The following CHCHD6 variants were observed in gnomAD, a reference collection of about 807,000 sequenced individuals.
CHCHD6 encodes coiled-coil-helix-coiled-coil-helix domain containing 6.
A neutral mutation model predicts 32.3 loss-of-function variants in CHCHD6; 28 were observed. That is an observed-to-expected ratio of 0.87 (90% CI 0.64 to 1.19). CHCHD6 has a LOEUF of 1.19. Ranked by LOEUF, CHCHD6 falls within the 50% of genes most tolerant of loss-of-function variation. CHCHD6 has a pLI of 0.00. For missense variants in CHCHD6, 333 were observed against 307.0 expected (o/e 1.08, Z -0.63); for synonymous variants, 122 against 117.5 (o/e 1.04, Z -0.25).
intron 4 of CHCHD6, among the ~76,000 whole-genome samples, chr3:126,829,322 A>G (rs72978866): frequency 8.5e-4 from 129 of 152,040 alleles, no homozygotes; most frequent in African/African-American, 2.9e-3. Flanking sequence ...TAGCCTCCCA[A>G]TGTGGCACCA....
Position 126,789,071 on chromosome 3 carries a change from C to T in CHCHD6, c.411+55849C>T, listed in dbSNP as rs1317834736. 6.6e-5 allele frequency among the ~76,000 whole-genome samples: 10 copies of T among 152,178 alleles called. 1 individual carries two copies. Among genetic ancestry groups the T allele is most frequent in the Admixed American group, 3.3e-4 (5 of 15,276 alleles). On this transcript the variant is annotated intron_variant, in intron 4 of 7. Transcript: ENST00000290913. ...GACATCTTTATTTCTGCCTTCATTT[C>T]GTTATGTATCCATTAATCATTCAGG...
chr3:126,920,186 A>C (rs74843716), intron 6 of CHCHD6, among the ~76,000 whole-genome samples: 1 of 144,472 alleles, frequency 6.9e-6, no homozygotes, highest in African/African-American at 2.5e-5. Context: ...AAATGTTTTT[A>C]ATTCTAAAAG....
chr3:126,767,025 C>A, intron 4 of CHCHD6: 1 of 885,300 alleles, frequency 1.1e-6, no homozygotes, highest in South Asian at 1.5e-5. Flanking sequence ...CAGGCAGGAT[C>A]TGCCTCAATG....
intron 5 of CHCHD6, among the ~76,000 whole-genome samples, chr3:126,872,827 C>G (rs538281024): frequency 9.2e-5 from 14 of 152,354 alleles, no homozygotes; most frequent in African/African-American, 3.1e-4. Context: ...GCTGCTCCTT[C>G]CCTGGGCTGT....
At chr3:126,721,945 A>G (rs1935317946) in intron 1 of CHCHD6, among the ~76,000 whole-genome samples, 1 of 152,168 alleles carries the variant, frequency 6.6e-6, no homozygotes, top group African/African-American at 2.4e-5. Flanking sequence ...TTATGGCTGA[A>G]TAATACTCCA....
chr3:126,889,892 G>GA (rs2077732390), intron 5 of CHCHD6, among the ~76,000 whole-genome samples: 1 of 152,214 alleles, frequency 6.6e-6, no homozygotes, highest in Non-Finnish European at 1.5e-5. Context: ...TGTGAGGGTG[G>GA]CCCCTGCTCC....
At chr3:126,890,676 T>C (rs1256416517) in intron 5 of CHCHD6, among the ~76,000 whole-genome samples, 3 of 152,268 alleles carry the variant, frequency 2.0e-5, no homozygotes, top group African/African-American at 2.4e-5. Context: ...GCCACTGTGC[T>C]AGGTGTTCTC....
At chr3:126,711,541 A>T (rs1315445987) in intron 1 of CHCHD6, among the ~76,000 whole-genome samples, 1 of 152,180 alleles carries the variant, frequency 6.6e-6, no homozygotes, top group East Asian at 1.9e-4. Flanking sequence ...TGCAGCATTC[A>T]TCTTAGTTGA....
chr3:126,850,986 C>T (rs1941455041), intron 4 of CHCHD6, among the ~76,000 whole-genome samples: 1 of 152,134 alleles, frequency 6.6e-6, no homozygotes, highest in Non-Finnish European at 1.5e-5. Context: ...TTTTAGATCC[C>T]CTGCAGCTGC....
chr3:126,805,641 G>C (rs1210867109), intron 4 of CHCHD6, among the ~76,000 whole-genome samples: 1 of 152,160 alleles, frequency 6.6e-6, no homozygotes, highest in Non-Finnish European at 1.5e-5. Context: ...GTAATTTATA[G>C]ATTCAATGCC....
At chr3:126,823,992 A>T in intron 4 of CHCHD6, among the ~76,000 whole-genome samples, 1 of 152,046 alleles carries the variant, frequency 6.6e-6, no homozygotes, top group Admixed American at 6.6e-5. Flanking sequence ...GGAGGTTCAC[A>T]TGAGTCCTGG....
chr3:126,809,918 C>G (rs1184287484), intron 4 of CHCHD6, among the ~76,000 whole-genome samples: 2 of 152,176 alleles, frequency 1.3e-5, no homozygotes, highest in Admixed American at 1.3e-4. Context: ...TCTCAGTGCT[C>G]AAACTAAATC....
chr3:126,825,721 T>C (rs989777253), intron 4 of CHCHD6, among the ~76,000 whole-genome samples: 2 of 152,242 alleles, frequency 1.3e-5, no homozygotes, highest in African/African-American at 4.8e-5. Context: ...TAACTTTCTT[T>C]TAGTGTTTGC....
intron 5 of CHCHD6, among the ~76,000 whole-genome samples, chr3:126,891,882 G>A (rs1418254779): frequency 1.3e-5 from 2 of 152,128 alleles, no homozygotes; most frequent in Admixed American, 1.3e-4. Flanking sequence ...AGCTAGCTGT[G>A]TTCCAGAGCT....
At chr3:126,781,889 C>G (rs1334290052) in intron 4 of CHCHD6, among the ~76,000 whole-genome samples, 2 of 152,134 alleles carry the variant, frequency 1.3e-5, no homozygotes, top group African/African-American at 4.8e-5. Flanking sequence ...TTAGGAAGCC[C>G]TTGTCTTTGC....
intron 4 of CHCHD6, among the ~76,000 whole-genome samples, chr3:126,844,363 C>A (rs2107548275): frequency 6.6e-6 from 1 of 152,230 alleles, no homozygotes; most frequent in East Asian, 1.9e-4. Context: ...TCTTTAGTCT[C>A]AGATTTGCTT....
intron 4 of CHCHD6, among the ~76,000 whole-genome samples, chr3:126,796,797 T>G (rs1225061562): frequency 6.6e-6 from 1 of 152,102 alleles, no homozygotes; most frequent in Non-Finnish European, 1.5e-5. Context: ...GGGTTTTTAT[T>G]TAGGCCCACT....
chr3:126,868,419 A>G (rs1244159424), intron 5 of CHCHD6, among the ~76,000 whole-genome samples: 1 of 151,494 alleles, frequency 6.6e-6, no homozygotes, highest in Non-Finnish European at 1.5e-5. Context: ...GAGCTTACCC[A>G]GCCATGGGGC....
At chr3:126,954,257 T>C (rs1242785648) in intron 6 of CHCHD6, among the ~76,000 whole-genome samples, 1 of 152,192 alleles carries the variant, frequency 6.6e-6, no homozygotes, top group Non-Finnish European at 1.5e-5. Context: ...GGGAGCCCAC[T>C]GCGAGGTTTG....
Sources: gnomAD v4.1 joint callset for allele counts (sites outside exome capture counted in the v4.1 genomes callset) on GRCh38, gnomAD v4.1.1 for gene constraint, MANE v1.5 for transcripts, NCBI Gene and HGNC (gene_info 2026-07-23, HGNC 2026-07-21) for gene names.